Variants in TTC8 observed in about 807,000 individuals in gnomAD.
TTC8 encodes the protein tetratricopeptide repeat protein 8.
In TTC8, 47 loss-of-function variants were observed where a neutral mutation model predicts 72.5. The observed-to-expected ratio is 0.65, with a 90% CI of 0.51 to 0.83. TTC8 has a LOEUF of 0.83. TTC8 is among the 40% of genes least tolerant of loss of function. The pLI, the probability that TTC8 is intolerant of heterozygous loss-of-function variation, is 0.00. For missense variants in TTC8, 611 were observed against 623.2 expected (o/e 0.98, Z 0.21); for synonymous variants, 199 against 221.4 (o/e 0.90, Z 0.90).
At chr14:88,843,717 A>G (rs913420805) in intron 6 of TTC8, 89 bp from the exon 7 acceptor site, 2 of 881,030 alleles carry the variant, frequency 2.3e-6, no homozygotes, top group South Asian at 3.2e-5. Flanking sequence ...AGGCCCTTTT[A>G]TCTATAAATC....
chr14:88,874,761 A>G (rs1319373242), intron 13 of TTC8, among the ~76,000 whole-genome samples: 2 of 152,246 alleles, frequency 1.3e-5, no homozygotes, highest in East Asian at 3.9e-4. Context: ...ATAACTTTAA[A>G]TGTACTCTGA....
intron 1 of TTC8, chr14:88,831,141 G>T (rs778478760): frequency 2.1e-5 from 5 of 233,926 alleles, no homozygotes; most frequent in Admixed American, 2.1e-4. Flanking sequence ...CAAGGAAAGC[G>T]ACCCCTCGCT....
chr14:88,845,793 G>T (rs1392890564), intron 7 of TTC8, among the ~76,000 whole-genome samples: 2 of 152,116 alleles, frequency 1.3e-5, no homozygotes, highest in Non-Finnish European at 2.9e-5. Flanking sequence ...TTGAACCACA[G>T]TTCCAGCCCT....
chr14:88,829,658 C>CT (rs1329410093), intron 1 of TTC8, among the ~76,000 whole-genome samples: 1 of 152,146 alleles, frequency 6.6e-6, no homozygotes, highest in East Asian at 1.9e-4. Flanking sequence ...GGGAGAAAGA[C>CT]TTTTTTCTAA....
chr14:88,824,479 T>C (rs2094688833), upstream of TTC8: 1 of 567,714 alleles, frequency 1.8e-6, no homozygotes, highest in Non-Finnish European at 3.2e-6. Context: ...ATGAAACCTG[T>C]AGCCTTTAAA....
At chr14:88,828,256 C>T (rs1223807885) in intron 1 of TTC8, among the ~76,000 whole-genome samples, 1 of 152,096 alleles carries the variant, frequency 6.6e-6, no homozygotes, top group Non-Finnish European at 1.5e-5. Context: ...TAATGATCAT[C>T]ATTGCTATCT....
At chr14:88,834,593 C>T (rs1381123528) in intron 2 of TTC8, among the ~76,000 whole-genome samples, 2 of 152,094 alleles carry the variant, frequency 1.3e-5, no homozygotes, top group Non-Finnish European at 2.9e-5. Context: ...ATTAAACACA[C>T]ACTGTAAATA....
At position 88,853,073 on chromosome 14, in the gene TTC8, G is replaced by T; in HGVS notation, c.710+17G>T. 1 of 1,598,474 alleles carries T rather than the reference G, an allele frequency of 6.3e-7. No individual in the cohort carries two copies. The highest frequency in any genetic ancestry group is 1.1e-5 in the South Asian group (1 of 90,720). On this transcript the variant is annotated intron_variant, in intron 8 of 14. Coordinates refer to ENST00000380656, the MANE Select transcript of TTC8 (RefSeq NM_144596.4). ...TTACTACAGGTAAATTTCATTATTT[G>T]TGAAGGGCTTAGAAGTGGCCACGTA...
chr14:88,824,690 C>G lies in TTC8; in HGVS notation c.-18C>G. On this transcript the variant is annotated 5_prime_UTR_variant, in exon 1 of 15. Transcript: ENST00000380656. The stretch of plus-strand genomic sequence containing the variant: ...TCTCTCCTGGAGCGCTGGGCCTTCG[C>G]TGGCCGCACCGGCAGCCATGAGCTC... 1.3e-6 allele frequency: 2 copies of G among 1,583,164 alleles called. No individual in the cohort carries two copies. Among genetic ancestry groups the G allele is most frequent in the South Asian group, 1.1e-5 (1 of 87,758 alleles).
At chr14:88,866,079 C>A (rs968840895) in intron 10 of TTC8, among the ~76,000 whole-genome samples, 6 of 151,930 alleles carry the variant, frequency 3.9e-5, no homozygotes, top group African/African-American at 1.5e-4. Context: ...AAAAATGATA[C>A]CCTGAAAGTT....
intron 9 of TTC8, among the ~76,000 whole-genome samples, chr14:88,860,297 G>A (rs568160549): frequency 3.2e-4 from 48 of 151,884 alleles, no homozygotes; most frequent in Non-Finnish European, 5.0e-4. Context: ...AAGTGGATCC[G>A]AAAATCATGG....
At chr14:88,879,902 C>T, downstream of TTC8, 1 of 152,112 alleles carries the variant, frequency 6.6e-6, no homozygotes, top group East Asian at 1.9e-4. Flanking sequence ...GTCTCAAACT[C>T]CTGGCCTCAA....
intron 1 of TTC8, 71 bp from the exon 2 acceptor site, chr14:88,833,622 G>C (rs118135059): frequency 7.3e-7 from 1 of 1,364,174 alleles, no homozygotes; most frequent in Admixed American, 1.7e-5. Context: ...ATACTTGGTT[G>C]GTCCTTAGGA....
Position 88,824,678 on chromosome 14 carries a change from G to T in TTC8, c.-30G>T, listed in dbSNP as rs760621054. 15 of 1,557,938 alleles carry T rather than the reference G, an allele frequency of 9.6e-6. No homozygotes were observed. The highest frequency in any genetic ancestry group is 2.0e-4 in the Middle Eastern group (1 of 4,962). On this transcript the variant is annotated 5_prime_UTR_variant, in exon 1 of 15. Transcript: ENST00000380656. ...TCCACGCCCACCTCTCTCCTGGAGC[G>T]CTGGGCCTTCGCTGGCCGCACCGGC...
At chr14:88,829,955 G>A (rs555235556) in intron 1 of TTC8, among the ~76,000 whole-genome samples, 1 of 152,212 alleles carries the variant, frequency 6.6e-6, no homozygotes, top group South Asian at 2.1e-4. Context: ...TACGCTGTGG[G>A]GCAGGTCATT....
In TTC8 at chr14:88,872,360, T is replaced by C; in HGVS notation, c.1255T>C (p.Cys419Arg). 6.2e-7 allele frequency: 1 copy of C among 1,613,976 alleles called. No individual in the cohort carries two copies. ...GIGDTNLAHQ[C>R]FRLALVNNNN... ...AGGAGATACAAATTTGGCCCATCAG[T>C]GCTTCAGGCTGGCTCTGGTCAACAA... Residue 419 changes from cysteine (C) to arginine (R), a missense_variant, in exon 13 of 15, where the codon TGC (cysteine) becomes CGC (arginine). Transcript: ENST00000380656.
intron 1 of TTC8, among the ~76,000 whole-genome samples, chr14:88,825,449 G>A (rs2094695047): frequency 6.6e-6 from 1 of 152,164 alleles, no homozygotes; most frequent in Admixed American, 6.5e-5. Context: ...GGAAAGAAAG[G>A]CTCCTTACAA....
intron 2 of TTC8, among the ~76,000 whole-genome samples, chr14:88,835,027 A>G (rs2094744062): frequency 6.6e-6 from 1 of 152,170 alleles, no homozygotes; most frequent in South Asian, 2.1e-4. Context: ...TTATTTTTGC[A>G]CACTGTTACA....
intron 3 of TTC8, 88 bp downstream of exon 3, chr14:88,839,660 T>C (rs1027251421): frequency 1.9e-5 from 26 of 1,389,550 alleles, no homozygotes; most frequent in Non-Finnish European, 2.5e-5. Context: ...CCTATATATT[T>C]CTACACTTTA....
Sources: gnomAD v4.1 joint callset for allele counts (sites outside exome capture counted in the v4.1 genomes callset) on GRCh38, gnomAD v4.1.1 for gene constraint, MANE v1.5 for transcripts, NCBI Gene and HGNC (gene_info 2026-07-23, HGNC 2026-07-21) for gene names.